Variants in LGR5 observed in about 807,000 individuals in gnomAD.
LGR5 encodes the protein leucine-rich repeat-containing G protein-coupled receptor 5.
LGR5 carries 54 observed loss-of-function variants against 76.7 expected under a neutral mutation model. The ratio of observed to expected loss-of-function variants is 0.70; its 90% CI spans 0.57 to 0.88. LGR5 has a LOEUF of 0.88. LGR5 is among the 40% of genes least tolerant of loss of function. LGR5 has a pLI of 0.00. For synonymous variants in LGR5, 406 were observed against 421.9 expected (o/e 0.96, Z 0.46); for missense variants, 1,078 against 1,073.3 (o/e 1.00, Z -0.06).
At chr12:71,580,789 A>G (rs978616835) in intron 16 of LGR5, among the ~76,000 whole-genome samples, 1 of 152,206 alleles carries the variant, frequency 6.6e-6, no homozygotes, top group African/African-American at 2.4e-5. Flanking sequence ...CCTGGGCAAC[A>G]GAGCAAGACT....
chr12:71,520,551 G>C (rs1317500639), intron 2 of LGR5, among the ~76,000 whole-genome samples: 1 of 152,108 alleles, frequency 6.6e-6, no homozygotes, highest in African/African-American at 2.4e-5. Flanking sequence ...AAAAGGATGA[G>C]TTTATGTCCT....
At chr12:71,567,535 G>A (rs1053628981) in intron 11 of LGR5, among the ~76,000 whole-genome samples, 9 of 152,204 alleles carry the variant, frequency 5.9e-5, no homozygotes, top group African/African-American at 2.2e-4. Context: ...CACAATCATT[G>A]TCCTCTCAAG....
intron 1 of LGR5, among the ~76,000 whole-genome samples, chr12:71,476,199 A>G (rs538555916): frequency 1.3e-5 from 2 of 152,186 alleles, no homozygotes; most frequent in Admixed American, 6.5e-5. Context: ...TGACCTTACT[A>G]TTCTTCATTT....
chr12:71,538,383 G>A lies in LGR5; in HGVS notation c.428+3197G>A, dbSNP rs1876708214. ...ATTAAAAAGTTAGCTGGGCATGGTG[G>A]CCTGCGCCTATAATCCCAGCTACAC... On this transcript the variant is annotated intron_variant, in intron 4 of 17. Coordinates refer to ENST00000266674, the MANE Select transcript of LGR5 (RefSeq NM_003667.4). Among the ~76,000 whole-genome samples, 2 of 152,144 alleles carry A rather than the reference G, an allele frequency of 1.3e-5. 1 individual carries two copies. Among genetic ancestry groups the A allele is most frequent in the South Asian group, 4.1e-4 (2 of 4,838 alleles).
intron 1 of LGR5, among the ~76,000 whole-genome samples, chr12:71,486,218 T>A (rs1433001058): frequency 6.6e-6 from 1 of 152,212 alleles, no homozygotes; most frequent in East Asian, 1.9e-4. Context: ...TTACTCTCAG[T>A]TGCCGCTGTT....
intron 1 of LGR5, among the ~76,000 whole-genome samples, chr12:71,484,434 A>G (rs1293887700): frequency 6.6e-6 from 1 of 152,206 alleles, no homozygotes; most frequent in Non-Finnish European, 1.5e-5. Flanking sequence ...GTTTTCCCAC[A>G]TTATTGCCAG....
intron 6 of LGR5, among the ~76,000 whole-genome samples, chr12:71,558,318 T>C (rs977495267): frequency 2.6e-5 from 4 of 152,074 alleles, no homozygotes; most frequent in Non-Finnish European, 5.9e-5. Context: ...TTCCCCTCAA[T>C]GTTTGGGGTA....
chr12:71,503,258 A>G (rs1187304613), intron 1 of LGR5, among the ~76,000 whole-genome samples: 1 of 152,148 alleles, frequency 6.6e-6, no homozygotes, highest in Non-Finnish European at 1.5e-5. Flanking sequence ...TGACTTTTTT[A>G]TCTAGACAAC....
intron 3 of LGR5, among the ~76,000 whole-genome samples, chr12:71,526,115 A>T (rs2137346429): frequency 6.6e-6 from 1 of 152,220 alleles, no homozygotes; most frequent in Non-Finnish European, 1.5e-5. Flanking sequence ...TGAATTAATG[A>T]TTCAGGCTGA....
chr12:71,550,108 A>G (rs899778215), intron 4 of LGR5, among the ~76,000 whole-genome samples: 4 of 152,196 alleles, frequency 2.6e-5, no homozygotes, highest in East Asian at 3.8e-4. Context: ...AGCCTTTTCC[A>G]TAAATGCATC....
At chr12:71,446,107 A>G (rs991632505) in intron 1 of LGR5, among the ~76,000 whole-genome samples, 2 of 152,212 alleles carry the variant, frequency 1.3e-5, no homozygotes, top group African/African-American at 4.8e-5. Context: ...AAGGGAGTTC[A>G]GTAAATACCA....
chr12:71,446,658 T>C (rs968519571), intron 1 of LGR5, among the ~76,000 whole-genome samples: 1 of 152,260 alleles, frequency 6.6e-6, no homozygotes, highest in Non-Finnish European at 1.5e-5. Context: ...TTTATACTTA[T>C]GCCTTGTAAT....
chr12:71,512,797 A>C (rs1353175525), intron 2 of LGR5, among the ~76,000 whole-genome samples: 2 of 152,194 alleles, frequency 1.3e-5, no homozygotes, highest in East Asian at 1.9e-4. Context: ...GGATATACTA[A>C]GTGCAAGGAG....
In LGR5 at chr12:71,584,948, G is replaced by T; in HGVS notation, c.*214G>T. 1.8e-6 allele frequency: 1 copy of T among 543,228 alleles called. No homozygotes were observed. The highest frequency in any genetic ancestry group is 3.2e-6 in the Non-Finnish European group (1 of 308,926). 33.7% of individuals were successfully genotyped at this position (543,228 alleles called of 1,614,324 possible). ...GCTTTGTATAATTTGTTCAGCTAAG[G>T]GATAGATCGATCACACTATTTAAGT... is the stretch of plus-strand genomic sequence containing the variant. On this transcript the variant is annotated 3_prime_UTR_variant, in exon 18 of 18. Coordinates refer to ENST00000266674, the MANE Select transcript of LGR5 (RefSeq NM_003667.4).
intron 4 of LGR5, among the ~76,000 whole-genome samples, chr12:71,551,975 C>T (rs1877506070): frequency 6.6e-6 from 1 of 152,058 alleles, no homozygotes; most frequent in Admixed American, 6.5e-5. Flanking sequence ...GATAGGGCCC[C>T]TTCTCTGTTT....
intron 1 of LGR5, among the ~76,000 whole-genome samples, chr12:71,453,689 A>G (rs1216781896): frequency 6.7e-6 from 1 of 149,518 alleles, no homozygotes; most frequent in Non-Finnish European, 1.5e-5. Context: ...AGATTTCAAC[A>G]CAACAAAAAT....
In LGR5 at chr12:71,585,805, T is replaced by C. The variant is rs1879294246; in HGVS notation, c.*1071T>C. 1 of 152,214 alleles carries C rather than the reference T, an allele frequency of 6.6e-6. No homozygotes were observed. Among genetic ancestry groups the C allele is most frequent in the Non-Finnish European group, 1.5e-5 (1 of 68,038 alleles). The allele number at this position is 152,214 out of a possible 1,614,324, so 9.4% of individuals were successfully genotyped here. A position where few individuals can be genotyped will look rare whatever the true frequency, so the allele number is the denominator to read the frequency against. Reference sequence around the variant, plus strand: ...ATTTAGCTTGGTTTTAGCTGTGTTCTCTCTGGATAACCCACTTGATGTTAG... The same window carrying C: ...ATTTAGCTTGGTTTTAGCTGTGTTCCCTCTGGATAACCCACTTGATGTTAG... On this transcript the variant is annotated 3_prime_UTR_variant, in exon 18 of 18. Transcript: ENST00000266674.
chr12:71,554,749 A>C (rs942827391), intron 5 of LGR5, among the ~76,000 whole-genome samples: 8 of 152,198 alleles, frequency 5.3e-5, no homozygotes, highest in African/African-American at 1.9e-4. Context: ...GAAGTGGTTT[A>C]ATTGACAGCA....
intron 4 of LGR5, among the ~76,000 whole-genome samples, chr12:71,540,959 G>A (rs1044898348): frequency 4.4e-4 from 67 of 152,238 alleles, no homozygotes; most frequent in African/African-American, 1.5e-3. Context: ...AAAATGAACC[G>A]TGACTTTAGT....
Sources: gnomAD v4.1 joint callset for allele counts (sites outside exome capture counted in the v4.1 genomes callset) on GRCh38, gnomAD v4.1.1 for gene constraint, MANE v1.5 for transcripts, NCBI Gene and HGNC (gene_info 2026-07-23, HGNC 2026-07-21) for gene names.